MECOM: variants seen among roughly 807,000 people sequenced by gnomAD.
MECOM encodes the protein MDS1 and EVI1 complex locus.
MECOM carries 13 observed loss-of-function variants against 116.3 expected under a neutral mutation model. The ratio of observed to expected loss-of-function variants is 0.11; its 90% confidence interval spans 0.07 to 0.18. The LOEUF is 0.18. Ranked by LOEUF, MECOM falls within the 10% of genes least tolerant of loss-of-function variation. The pLI, the probability that MECOM is intolerant of heterozygous loss-of-function variation, is 1.00. For synonymous variants in MECOM, 528 were observed against 535.2 expected (o/e 0.99, Z 0.19); for missense variants, 1,299 against 1,509.0 (o/e 0.86, Z 2.31).
chr3:169,307,384 C>T lies in MECOM; in HGVS notation c.375+73803G>A, dbSNP rs562289039. The stretch of plus-strand genomic sequence containing the variant: ...ATCACTTGAACCCAGGAATTTGAGA[C>T]CAGCCTGAACAATAAGGTGAGACTC... On this transcript the variant is annotated intron_variant, in intron 2 of 16. Coordinates refer to ENST00000651503, the MANE Select transcript of MECOM (RefSeq NM_004991.4). 9.2e-5 allele frequency among the ~76,000 whole-genome samples: 14 copies of T among 152,156 alleles called. No homozygotes were observed. In the South Asian group the frequency reaches 2.9e-3, roughly 32 times the overall value.
intron 1 of MECOM, among the ~76,000 whole-genome samples, chr3:169,661,728 G>T (rs1022084267): frequency 6.6e-6 from 1 of 152,222 alleles, no homozygotes; most frequent in Non-Finnish European, 1.5e-5. Flanking sequence ...GCTGCTGCAG[G>T]GACGCAGTGA....
chr3:169,290,564 C>G (rs1450749515), intron 2 of MECOM, among the ~76,000 whole-genome samples: 1 of 152,142 alleles, frequency 6.6e-6, no homozygotes, highest in South Asian at 2.1e-4. Flanking sequence ...CTCCCAGTGA[C>G]AGCCACATAC....
intron 2 of MECOM, among the ~76,000 whole-genome samples, chr3:169,166,255 T>C (rs1371927585): frequency 6.6e-6 from 1 of 152,172 alleles, no homozygotes; most frequent in Non-Finnish European, 1.5e-5. Context: ...CAGGTTAATG[T>C]ACACTGGAAC....
chr3:169,146,377 T>C (rs1209996046), intron 2 of MECOM: 2 of 1,386,182 alleles, frequency 1.4e-6, no homozygotes, highest in African/African-American at 2.9e-5. Flanking sequence ...CAACCGCACC[T>C]TGTGCGTCCC....
intron 1 of MECOM, among the ~76,000 whole-genome samples, chr3:169,636,065 T>C (rs537127073): frequency 6.6e-6 from 1 of 152,332 alleles, no homozygotes; most frequent in South Asian, 2.1e-4. Context: ...GGTGAAGTCA[T>C]CTAAAAAGCT....
chr3:169,202,194 A>C (rs948642761), intron 2 of MECOM, among the ~76,000 whole-genome samples: 4 of 152,174 alleles, frequency 2.6e-5, no homozygotes, highest in Admixed American at 2.0e-4. Context: ...CAAAAAGTGA[A>C]GACAAAAAAT....
At chr3:169,629,621 A>G (rs1771828595) in intron 1 of MECOM, among the ~76,000 whole-genome samples, 1 of 152,204 alleles carries the variant, frequency 6.6e-6, no homozygotes, top group Non-Finnish European at 1.5e-5. Flanking sequence ...GGAAGGCTAC[A>G]TGTGTAAGGG....
chr3:169,246,015 C>T (rs1205403255), intron 2 of MECOM, among the ~76,000 whole-genome samples: 2 of 152,056 alleles, frequency 1.3e-5, no homozygotes, highest in South Asian at 2.1e-4. Context: ...ATGGGACATT[C>T]TTAGATATTG....
At position 169,663,505 on chromosome 3, in the gene MECOM, TC is replaced by T. The variant is rs1776606619; in HGVS notation, c.-134del. The T allele has an allele frequency of 1.0e-5, 7 of 666,986 alleles. No homozygotes were observed. Among genetic ancestry groups the T allele is most frequent in the African/African-American group, 9.5e-5 (5 of 52,536 alleles). The allele number at this position is 666,986 out of a possible 1,614,324, so 41.3% of individuals were successfully genotyped here. On this transcript the variant is annotated 5_prime_UTR_variant, in exon 1 of 17. Transcript: ENST00000651503. ...CTCTCTCTCTCTCTCTCTCTCTCTC[TC>T]TCTCTCTCTCTCTCTCTCTCTCTCC...
chr3:169,115,805 T>G lies in MECOM; in HGVS notation c.2067A>C (p.Leu689Phe), dbSNP rs776874228. 18 of 1,613,960 alleles carry G rather than the reference T, an allele frequency of 1.1e-5. No individual in the cohort carries two copies. The East Asian group carries it at 4.0e-4, about 36-fold the overall frequency. The change falls in exon 8 of 17, where the codon TTA (leucine) becomes TTC (phenylalanine). Residue 689 changes from leucine to phenylalanine, a missense_variant. Physicochemically the swap from Leu to Phe is conservative, Grantham distance 22 (BLOSUM62 0). Coordinates refer to ENST00000651503, the MANE Select transcript of MECOM (RefSeq NM_004991.4). Reference sequence around the variant, plus strand: ...GGAGGGGAAACATGGAAGGGTAAGGTAAAGCTCCAACTTTTTTGTCTTGCA... The same window carrying G: ...GGAGGGGAAACATGGAAGGGTAAGGGAAAGCTCCAACTTTTTTGTCTTGCA... ...VGLQDKKVGALPYPSMFPLPF... is the reference protein window; with the variant it reads ...VGLQDKKVGAFPYPSMFPLPF...
chr3:169,568,534 G>T (rs1010046932), intron 1 of MECOM, among the ~76,000 whole-genome samples: 1 of 152,172 alleles, frequency 6.6e-6, no homozygotes, highest in Non-Finnish European at 1.5e-5. Flanking sequence ...TTGGTGGGGG[G>T]AGGGGCATCC....
At chr3:169,626,690 T>C (rs1771417527) in intron 1 of MECOM, among the ~76,000 whole-genome samples, 1 of 152,216 alleles carries the variant, frequency 6.6e-6, no homozygotes, top group Non-Finnish European at 1.5e-5. Context: ...AAAACACACC[T>C]GGTTTCTAGG....
intron 1 of MECOM, among the ~76,000 whole-genome samples, chr3:169,506,805 CA>C (rs774404264): frequency 1.3e-5 from 2 of 152,182 alleles, no homozygotes; most frequent in Non-Finnish European, 2.9e-5. Context: ...AGAAGGCTCC[CA>C]AGGTTAAGTA....
intron 1 of MECOM, among the ~76,000 whole-genome samples, chr3:169,510,256 G>A (rs1422584710): frequency 6.6e-6 from 1 of 152,208 alleles, no homozygotes; most frequent in Non-Finnish European, 1.5e-5. Flanking sequence ...GGGGCAGGGA[G>A]GGAGTGTCCC....
intron 1 of MECOM, among the ~76,000 whole-genome samples, chr3:169,597,044 A>C (rs1312120667): frequency 6.6e-6 from 1 of 152,206 alleles, no homozygotes; most frequent in Non-Finnish European, 1.5e-5. Context: ...GCTAGGGTAT[A>C]GGAAAGATTA....
At chr3:169,532,971 A>G (rs1392191418) in intron 1 of MECOM, among the ~76,000 whole-genome samples, 1 of 152,228 alleles carries the variant, frequency 6.6e-6, no homozygotes, top group Admixed American at 6.5e-5. Context: ...TAGACAGTAT[A>G]TCCTCTTTTG....
intron 1 of MECOM, among the ~76,000 whole-genome samples, chr3:169,502,477 C>T (rs1754656664): frequency 6.6e-6 from 1 of 151,974 alleles, no homozygotes; most frequent in African/African-American, 2.4e-5. Context: ...TTTTCTTTTG[C>T]CTAAGTTAGC....
At chr3:169,239,924 C>A (rs762908508) in intron 2 of MECOM, among the ~76,000 whole-genome samples, 6 of 152,242 alleles carry the variant, frequency 3.9e-5, no homozygotes, top group African/African-American at 7.2e-5. Flanking sequence ...GTTGTAGAAG[C>A]TTTTTACTAC....
intron 3 of MECOM, among the ~76,000 whole-genome samples, chr3:169,137,925 C>T (rs1305326403): frequency 2.0e-5 from 3 of 152,040 alleles, no homozygotes; most frequent in Non-Finnish European, 2.9e-5. Context: ...TATCTACAGA[C>T]CCCCCAAAAA....
Sources: allele counts gnomAD v4.1 joint callset (sites outside exome capture counted in the v4.1 genomes callset), GRCh38; gene constraint gnomAD v4.1.1; transcripts MANE v1.5; gene names NCBI Gene and HGNC (gene_info 2026-07-23, HGNC 2026-07-21).